GRIP1: variants seen among roughly 807,000 people sequenced by gnomAD.
The protein encoded by GRIP1 is glutamate receptor-interacting protein 1.
In GRIP1, 45 loss-of-function variants were observed where a neutral mutation model predicts 129.9. That is an observed-to-expected ratio of 0.35 (90% confidence interval 0.27 to 0.44). GRIP1 has a LOEUF of 0.44. Ranked by LOEUF, GRIP1 falls within the 20% of genes least tolerant of loss-of-function variation. The pLI is 1.00. For missense variants in GRIP1, 1,196 were observed against 1,396.8 expected, an observed-to-expected ratio of 0.86 and a Z score of 2.29; for synonymous variants, 530 against 520.8, an observed-to-expected ratio of 1.02 and a Z score of -0.24.
At position 67,030,206 on chromosome 12, in the gene GRIP1, G is replaced by T. The variant is rs185295213; in HGVS notation, c.58+38844C>A. ...AGCCTGGGTAACAGAGCGAGACTCT[G>T]TCTCAAATAATAATAATAATAATAA... On this transcript the variant is annotated intron_variant, in intron 1 of 1. Transcript: ENST00000643019. Among the ~76,000 whole-genome samples the T allele has an allele frequency of 7.2e-3, 967 of 134,430 alleles. 12 individuals are homozygous for T. The highest frequency in any genetic ancestry group is 0.024 in the African/African-American group (896 of 36,618). The allele number at this position is 134,430 out of a possible 152,430, so 88.2% of individuals were successfully genotyped here.
rs1053824680 is a variant in GRIP1, at chr12:66,813,836, A to G, written c.59-216909T>C. Among the ~76,000 whole-genome samples, 8 of 152,202 alleles carry G rather than the reference A, an allele frequency of 5.3e-5. No homozygotes were observed. The South Asian group carries it at 1.7e-3, about 32-fold the overall frequency. On this transcript the variant is annotated intron_variant, in intron 1 of 1. Transcript: ENST00000643019. ...CTTCTATTCCACATGCATTAGGAGCACATAGAACTCAGTGCACAGTGTTAA... is the reference window on the plus strand; with the variant it reads ...CTTCTATTCCACATGCATTAGGAGCGCATAGAACTCAGTGCACAGTGTTAA...
At chr12:66,373,227 C>T (rs886139687) in intron 22 of GRIP1, among the ~76,000 whole-genome samples, 3 of 152,070 alleles carry the variant, frequency 2.0e-5, no homozygotes, top group Non-Finnish European at 4.4e-5. Flanking sequence ...GTAGCTGGGA[C>T]TACAGGCATG....
At chr12:66,833,431 C>A (rs2137024593) in intron 1 of GRIP1, among the ~76,000 whole-genome samples, 1 of 149,288 alleles carries the variant, frequency 6.7e-6, no homozygotes, top group South Asian at 2.2e-4. Context: ...ATTACTCAGG[C>A]ATTCTGCTCC....
At chr12:66,539,562 T>G (rs2061710800) in intron 3 of GRIP1, among the ~76,000 whole-genome samples, 1 of 147,562 alleles carries the variant, frequency 6.8e-6, no homozygotes, top group East Asian at 2.0e-4. Context: ...TTTTTTTTTT[T>G]TTTTTTTCAG....
intron 1 of GRIP1, among the ~76,000 whole-genome samples, chr12:66,657,875 G>A (rs1052998408): frequency 2.6e-5 from 4 of 152,128 alleles, no homozygotes; most frequent in African/African-American, 9.7e-5. Flanking sequence ...TCTATTTTAG[G>A]GGATTTTAAA....
chr12:66,719,383 T>C (rs1488284949), intron 1 of GRIP1, among the ~76,000 whole-genome samples: 3 of 152,170 alleles, frequency 2.0e-5, no homozygotes, highest in African/African-American at 7.2e-5. Flanking sequence ...CCATCCCTCC[T>C]CAGGGATAGA....
chr12:66,585,368 T>C (rs1453619243), intron 2 of GRIP1, among the ~76,000 whole-genome samples: 3 of 135,670 alleles, frequency 2.2e-5, no homozygotes, highest in Non-Finnish European at 4.8e-5. Context: ...TTTTTTGTTC[T>C]TGCGATAGTT....
intron 1 of GRIP1, among the ~76,000 whole-genome samples, chr12:67,031,751 A>G (rs1466460598): frequency 6.6e-6 from 1 of 151,986 alleles, no homozygotes; most frequent in African/African-American, 2.4e-5. Context: ...GTCTATTCCT[A>G]CGCACTTTGC....
intron 9 of GRIP1, among the ~76,000 whole-genome samples, chr12:66,461,807 T>C (rs886903735): frequency 1.3e-5 from 2 of 152,148 alleles, no homozygotes; most frequent in Admixed American, 1.3e-4. Flanking sequence ...GACCCCCTCA[T>C]AAGCAAAATT....
intron 1 of GRIP1, among the ~76,000 whole-genome samples, chr12:66,874,737 G>T (rs938553707): frequency 1.3e-5 from 2 of 151,962 alleles, no homozygotes; most frequent in African/African-American, 4.8e-5. Context: ...CACTGAGATG[G>T]TGCTAAACCA....
chr12:66,803,097 G>T (rs1440499341), intron 1 of GRIP1, among the ~76,000 whole-genome samples: 3 of 152,170 alleles, frequency 2.0e-5, no homozygotes, highest in Non-Finnish European at 4.4e-5. Flanking sequence ...CAGAAATTGG[G>T]ATTTAAATTA....
At chr12:66,550,437 T>C (rs2062087956) in intron 2 of GRIP1, among the ~76,000 whole-genome samples, 1 of 152,220 alleles carries the variant, frequency 6.6e-6, no homozygotes, top group African/African-American at 2.4e-5. Context: ...ATTTTGATTG[T>C]TATGAATATA....
At chr12:67,068,385 A>G (rs1164933311) in intron 1 of GRIP1, among the ~76,000 whole-genome samples, 10 of 152,158 alleles carry the variant, frequency 6.6e-5, no homozygotes, top group Non-Finnish European at 1.2e-4. Context: ...GCGGTATTAA[A>G]CTGACAGCGG....
chr12:66,601,473 G>C (rs1320140981), intron 1 of GRIP1, among the ~76,000 whole-genome samples: 1 of 152,026 alleles, frequency 6.6e-6, no homozygotes, highest in Admixed American at 6.6e-5. Context: ...TCTCACTCTG[G>C]GCTATGCAGA....
chr12:66,431,407 T>C (rs2058143747), intron 14 of GRIP1, among the ~76,000 whole-genome samples: 1 of 152,212 alleles, frequency 6.6e-6, no homozygotes, highest in African/African-American at 2.4e-5. Context: ...TCTTAATATT[T>C]ATTTTGAATT....
At chr12:66,799,689 T>G (rs1356780555) in intron 1 of GRIP1, among the ~76,000 whole-genome samples, 1 of 152,160 alleles carries the variant, frequency 6.6e-6, no homozygotes, top group Non-Finnish European at 1.5e-5. Flanking sequence ...AAAGTATATG[T>G]CAGAGTTCTC....
chr12:66,906,710 G>A (rs1232999386), intron 1 of GRIP1, among the ~76,000 whole-genome samples: 1 of 152,304 alleles, frequency 6.6e-6, no homozygotes. Context: ...GAGCAAGCAA[G>A]GGTAAATTAC....
rs5798843 is a variant in GRIP1, at chr12:66,896,480, G to GAAAAAAAAA, written c.58+172561_58+172569dup. Among the ~76,000 whole-genome samples, 57 of 107,838 alleles carry GAAAAAAAAA rather than the reference G, an allele frequency of 5.3e-4. 1 individual carries two copies. The highest frequency in any genetic ancestry group is 1.5e-3 in the African/African-American group (51 of 33,920). 70.7% of individuals were successfully genotyped at this position (107,838 alleles called of 152,430 possible). A position where few individuals can be genotyped will look rare whatever the true frequency, so the allele number is the denominator to read the frequency against. ...TGAGAATATTACCTCTGAGGAATTT[G>GAAAAAAAAA]AAAAAAAAAAAAAAAACTTTGGTGG... is the stretch of plus-strand genomic sequence containing the variant. On this transcript the variant is annotated intron_variant, in intron 1 of 1. Transcript: ENST00000643019.
intron 1 of GRIP1, among the ~76,000 whole-genome samples, chr12:67,021,051 T>C (rs1206304662): frequency 1.3e-5 from 2 of 152,056 alleles, no homozygotes; most frequent in Non-Finnish European, 2.9e-5. Context: ...TGAGCTATGA[T>C]TGTACCACTG....
Sources: allele counts gnomAD v4.1 joint callset (sites outside exome capture counted in the v4.1 genomes callset), GRCh38; gene constraint gnomAD v4.1.1; transcripts MANE v1.5; gene names NCBI Gene and HGNC (gene_info 2026-07-23, HGNC 2026-07-21).